The following ZHX2 variants were observed in gnomAD, a reference collection of about 807,000 sequenced individuals.
ZHX2 encodes zinc fingers and homeoboxes 2.
A neutral mutation model predicts 21.9 loss-of-function variants in ZHX2; 6 were observed. That is an observed-to-expected ratio of 0.27 (90% CI 0.15 to 0.54). The LOEUF (loss-of-function observed/expected upper bound fraction) is 0.54, where lower values mean the gene tolerates loss of function less well. Among genes scored for constraint, ZHX2 ranks in the 20% least tolerant of loss-of-function variants. The pLI is 0.95. For missense variants in ZHX2, 908 were observed against 1,090.7 expected (o/e 0.83, Z 2.36); for synonymous variants, 434 against 437.1 (o/e 0.99, Z 0.09).
chr8:122,787,888 C>T (rs1817429925), intron 1 of ZHX2, among the ~76,000 whole-genome samples: 1 of 152,194 alleles, frequency 6.6e-6, no homozygotes, highest in African/African-American at 2.4e-5. Context: ...AAGTGGCAGG[C>T]ACTCATGCAT....
chr8:122,819,697 C>T (rs1358551717), intron 1 of ZHX2, among the ~76,000 whole-genome samples: 1 of 152,248 alleles, frequency 6.6e-6, no homozygotes, highest in East Asian at 1.9e-4. Context: ...CCTGGCCCCA[C>T]AGGCATCGGC....
chr8:122,835,271 G>A (rs1036646676), intron 1 of ZHX2, among the ~76,000 whole-genome samples: 5 of 152,264 alleles, frequency 3.3e-5, no homozygotes, highest in Non-Finnish European at 2.9e-5. Flanking sequence ...CACCGGCGCT[G>A]AAGTAAGGGC....
intron 1 of ZHX2, among the ~76,000 whole-genome samples, chr8:122,861,060 C>G (rs562788458): frequency 7.2e-6 from 1 of 138,084 alleles, no homozygotes; most frequent in African/African-American, 2.7e-5. Context: ...AAAAAAAAAG[C>G]ACTATCAGAG....
At chr8:122,945,130 G>A (rs1812937530) in intron 2 of ZHX2, among the ~76,000 whole-genome samples, 1 of 152,112 alleles carries the variant, frequency 6.6e-6, no homozygotes, top group African/African-American at 2.4e-5. Flanking sequence ...GTTGTCTAAA[G>A]CCACCCAGTC....
At chr8:122,821,768 G>A (rs1394336511) in intron 1 of ZHX2, among the ~76,000 whole-genome samples, 1 of 151,954 alleles carries the variant, frequency 6.6e-6, no homozygotes, top group Non-Finnish European at 1.5e-5. Flanking sequence ...GCGGTGGCGC[G>A]ATCTCGGCTC....
chr8:122,941,518 T>G (rs1237560825), intron 2 of ZHX2, among the ~76,000 whole-genome samples: 1 of 152,242 alleles, frequency 6.6e-6, no homozygotes, highest in African/African-American at 2.4e-5. Context: ...TTCCTTTCTT[T>G]TCCAGGATTA....
intron 2 of ZHX2, among the ~76,000 whole-genome samples, chr8:122,866,359 T>A (rs910100513): frequency 6.6e-6 from 1 of 152,074 alleles, no homozygotes; most frequent in South Asian, 2.1e-4. Context: ...ATATTTCAGA[T>A]AAAAATTGCA....
At chr8:122,806,884 T>A (rs528534063) in intron 1 of ZHX2, among the ~76,000 whole-genome samples, 2 of 152,302 alleles carry the variant, frequency 1.3e-5, no homozygotes, top group East Asian at 3.9e-4. Flanking sequence ...ACAGAAAGAT[T>A]AAGTAATTTT....
At chr8:122,822,693 T>C (rs1297322578) in intron 1 of ZHX2, among the ~76,000 whole-genome samples, 2 of 152,168 alleles carry the variant, frequency 1.3e-5, no homozygotes, top group African/African-American at 2.4e-5. Context: ...CTGGGTAGAC[T>C]CTTCCCATCT....
intron 2 of ZHX2, among the ~76,000 whole-genome samples, chr8:122,940,501 A>G (rs1233182415): frequency 1.3e-5 from 2 of 152,050 alleles, no homozygotes; most frequent in East Asian, 3.9e-4. Context: ...GCCCCGTGTC[A>G]CCCAAATGTG....
chr8:122,934,103 T>A (rs74414494), intron 2 of ZHX2, among the ~76,000 whole-genome samples: 4,246 of 152,194 alleles, frequency 0.028, 179 homozygotes, highest in African/African-American at 0.098. Flanking sequence ...TATGATGGAG[T>A]CTTCACAAGC....
chr8:122,917,246 T>C (rs1210257251), intron 2 of ZHX2, among the ~76,000 whole-genome samples: 2 of 151,974 alleles, frequency 1.3e-5, no homozygotes, highest in Non-Finnish European at 2.9e-5. Context: ...CAGGGAGCAT[T>C]GCAGGTGTTC....
chr8:122,882,760 T>A (rs764110155), intron 2 of ZHX2, among the ~76,000 whole-genome samples: 16 of 152,008 alleles, frequency 1.1e-4, no homozygotes, highest in Non-Finnish European at 2.2e-4. Context: ...GGTGGGAGGA[T>A]CACTTGAGGC....
intron 2 of ZHX2, among the ~76,000 whole-genome samples, chr8:122,910,327 T>C (rs1444584415): frequency 2.6e-5 from 4 of 152,190 alleles, no homozygotes; most frequent in Non-Finnish European, 5.9e-5. Flanking sequence ...TTCAGTGACA[T>C]GCCCCAAAAC....
At chr8:122,789,383 C>A (rs1482227426) in intron 1 of ZHX2, among the ~76,000 whole-genome samples, 2 of 152,222 alleles carry the variant, frequency 1.3e-5, no homozygotes, top group Admixed American at 1.3e-4. Context: ...GGCGCCACCC[C>A]ACCAGCCCCT....
chr8:122,919,289 C>A (rs775008971), intron 2 of ZHX2, among the ~76,000 whole-genome samples: 1 of 152,236 alleles, frequency 6.6e-6, no homozygotes, highest in Non-Finnish European at 1.5e-5. Flanking sequence ...TAGCCATGTG[C>A]TGGATTCATA....
rs1272563873 is a variant in ZHX2, at chr8:122,875,144, T to C, written c.-220+11605T>C. 1.2e-3 allele frequency among the ~76,000 whole-genome samples: 4 copies of C among 3,436 alleles called. 1 individual carries two copies. The highest frequency in any genetic ancestry group is 2.9e-3 in the African/African-American group (4 of 1,384). 2.3% of individuals were successfully genotyped at this position (3,436 alleles called of 152,430 possible). A position where few individuals can be genotyped will look rare whatever the true frequency, so the allele number is the denominator to read the frequency against. ...GAAAACTCTGTTATATATATATATA[T>C]ATATATATATATATATATATATATA... On this transcript the variant is annotated intron_variant, in intron 2 of 3. Coordinates refer to ENST00000314393, the MANE Select transcript of ZHX2 (RefSeq NM_014943.5).
At chr8:122,935,995 G>T (rs545088192) in intron 2 of ZHX2, among the ~76,000 whole-genome samples, 1 of 152,246 alleles carries the variant, frequency 6.6e-6, no homozygotes, top group South Asian at 2.1e-4. Context: ...AGTATCTAAG[G>T]CAGTGTCTGG....
intron 1 of ZHX2, among the ~76,000 whole-genome samples, chr8:122,835,905 G>A (rs562790708): frequency 6.6e-6 from 1 of 152,276 alleles, no homozygotes; most frequent in African/African-American, 2.4e-5. Flanking sequence ...ATTGTGGCCA[G>A]ACTGAATTGC....
Sources: allele counts gnomAD v4.1 joint callset (sites outside exome capture counted in the v4.1 genomes callset), GRCh38; gene constraint gnomAD v4.1.1; transcripts MANE v1.5; gene names NCBI Gene and HGNC (gene_info 2026-07-23, HGNC 2026-07-21).